The following PDE4D variants were observed in gnomAD, a reference collection of about 807,000 sequenced individuals.
PDE4D encodes the protein 3',5'-cyclic-AMP phosphodiesterase 4D.
In PDE4D, 24 loss-of-function variants were observed where a neutral mutation model predicts 87.4. That is an observed-to-expected ratio of 0.27 (90% CI 0.20 to 0.39). The LOEUF (loss-of-function observed/expected upper bound fraction) is 0.39. Ranked by LOEUF, PDE4D falls within the 10% of genes least tolerant of loss-of-function variation. The pLI, the probability that PDE4D is intolerant of heterozygous loss-of-function variation, is 1.00. For missense variants in PDE4D, 714 were observed against 1,041.0 expected (o/e 0.69, Z 4.32); for synonymous variants, 384 against 383.2 (o/e 1.00, Z -0.02).
chr5:60,364,001 C>T (rs139440553), intron 1 of PDE4D, among the ~76,000 whole-genome samples: 246 of 152,294 alleles, frequency 1.6e-3, no homozygotes, highest in Non-Finnish European at 2.8e-3. Context: ...GTGGAAGTTA[C>T]TGGTGAGTGT....
intron 1 of PDE4D, among the ~76,000 whole-genome samples, chr5:59,522,176 T>G (rs955297214): frequency 5.3e-5 from 8 of 152,234 alleles, no homozygotes; most frequent in African/African-American, 1.7e-4. Flanking sequence ...AAATTTGGAA[T>G]AGTTAATTGA....
intron 1 of PDE4D, among the ~76,000 whole-genome samples, chr5:60,429,254 T>C (rs1038466529): frequency 1.3e-5 from 2 of 152,202 alleles, no homozygotes; most frequent in African/African-American, 4.8e-5. Context: ...GATATGTTAT[T>C]TTTTGTGGCT....
chr5:59,236,660 G>A (rs1016342921), intron 1 of PDE4D, among the ~76,000 whole-genome samples: 14 of 152,194 alleles, frequency 9.2e-5, no homozygotes, highest in Middle Eastern at 3.4e-3. Context: ...CAAAGCTGTC[G>A]TCACCAGGCT....
intron 1 of PDE4D, among the ~76,000 whole-genome samples, chr5:59,549,897 T>A (rs545602704): frequency 6.6e-6 from 1 of 151,946 alleles, no homozygotes; most frequent in Non-Finnish European, 1.5e-5. Context: ...CTCAAGGTTA[T>A]TAACCATCAA....
chr5:59,595,244 A>G (rs1450412292), intron 1 of PDE4D, among the ~76,000 whole-genome samples: 1 of 152,236 alleles, frequency 6.6e-6, no homozygotes, highest in Non-Finnish European at 1.5e-5. Context: ...CAATCTATTT[A>G]TAAAATCTGA....
chr5:59,575,871 A>C (rs559074881), intron 1 of PDE4D, among the ~76,000 whole-genome samples: 1 of 152,306 alleles, frequency 6.6e-6, no homozygotes, highest in East Asian at 1.9e-4. Flanking sequence ...ATGGGAGGGC[A>C]CATCAGTCGA....
chr5:59,722,166 T>C (rs1389712123), intron 1 of PDE4D, among the ~76,000 whole-genome samples: 1 of 152,210 alleles, frequency 6.6e-6, no homozygotes, highest in African/African-American at 2.4e-5. Context: ...TTCTGTTCAA[T>C]CTATTGCTTG....
At chr5:59,294,726 C>CT (rs1768724018) in intron 1 of PDE4D, among the ~76,000 whole-genome samples, 1 of 152,186 alleles carries the variant, frequency 6.6e-6, no homozygotes, top group African/African-American at 2.4e-5. Context: ...GACTGTCTCT[C>CT]TTTTGTTCAA....
At chr5:59,295,094 CT>C (rs1427146729) in intron 1 of PDE4D, among the ~76,000 whole-genome samples, 2 of 152,082 alleles carry the variant, frequency 1.3e-5, no homozygotes, top group African/African-American at 4.8e-5. Flanking sequence ...CCCCATTTAT[CT>C]TTTTTTCTCT....
In PDE4D at chr5:59,965,089, T is replaced by C. The variant is rs76256353; in HGVS notation, c.272+23399A>G. Among the ~76,000 whole-genome samples, 1,380 of 152,312 alleles carry C rather than the reference T, an allele frequency of 9.1e-3. 20 individuals carry two copies. Among genetic ancestry groups the C allele is most frequent in the African/African-American group, 0.032 (1,312 of 41,568 alleles). ...TATACTCTACGTTCTCTTATTTTAC[T>C]ATGGATAAACTGTCCTTGATCCAAA... is the stretch of plus-strand genomic sequence containing the variant. On this transcript the variant is annotated intron_variant, in intron 3 of 16. Coordinates refer to the PDE4D transcript ENST00000502484.
chr5:59,224,450 G>A (rs1002391849), intron 1 of PDE4D, among the ~76,000 whole-genome samples: 2 of 152,122 alleles, frequency 1.3e-5, no homozygotes, highest in African/African-American at 4.8e-5. Context: ...GCAATAAAGA[G>A]ATTCAAGATG....
chr5:59,059,878 C>T (rs1277691397), intron 5 of PDE4D, among the ~76,000 whole-genome samples: 1 of 152,106 alleles, frequency 6.6e-6, no homozygotes, highest in African/African-American at 2.4e-5. Context: ...GCAGAGACTG[C>T]TAAATGTCCC....
At chr5:59,333,065 A>G (rs187907227) in intron 1 of PDE4D, among the ~76,000 whole-genome samples, 1 of 152,352 alleles carries the variant, frequency 6.6e-6, no homozygotes, top group East Asian at 1.9e-4. Context: ...GAAAGCATTG[A>G]AAACTGATAT....
At chr5:60,173,849 G>C (rs1031302813) in intron 2 of PDE4D, among the ~76,000 whole-genome samples, 1 of 152,130 alleles carries the variant, frequency 6.6e-6, no homozygotes, top group African/African-American at 2.4e-5. Flanking sequence ...AAGTCAAGCT[G>C]AGATGAGGAC....
At chr5:59,111,713 G>A (rs1224435394) in intron 5 of PDE4D, among the ~76,000 whole-genome samples, 1 of 152,168 alleles carries the variant, frequency 6.6e-6, no homozygotes, top group African/African-American at 2.4e-5. Context: ...AAAGCTTGAG[G>A]TCTTTGATGT....
In PDE4D at chr5:60,117,389, T is replaced by A. The variant is rs570746606; in HGVS notation, c.42+68168A>T. On this transcript the variant is annotated intron_variant, in intron 2 of 16. Coordinates refer to the PDE4D transcript ENST00000502484. ...AAGTCTATATCAAACACATTCCTGA[T>A]AAACTCAACCCTACACTTAAAGTTT... Among the ~76,000 whole-genome samples, 100 of 152,150 alleles carry A rather than the reference T, an allele frequency of 6.6e-4. 1 individual carries two copies. Among genetic ancestry groups the A allele is most frequent in the Middle Eastern group, 3.4e-3 (1 of 294 alleles).
chr5:59,167,110 G>A (rs1451594998), intron 5 of PDE4D, among the ~76,000 whole-genome samples: 5 of 152,138 alleles, frequency 3.3e-5, no homozygotes, highest in African/African-American at 1.2e-4. Flanking sequence ...CTCAAAATTA[G>A]GAAGGTATAA....
At chr5:60,187,441 T>C (rs1784871262) in intron 1 of PDE4D, among the ~76,000 whole-genome samples, 1 of 152,178 alleles carries the variant, frequency 6.6e-6, no homozygotes, top group Admixed American at 6.5e-5. Flanking sequence ...ACATATATTA[T>C]CAGAGAAAAA....
intron 5 of PDE4D, among the ~76,000 whole-genome samples, chr5:59,097,393 T>C (rs1769933672): frequency 6.6e-6 from 1 of 152,220 alleles, no homozygotes; most frequent in South Asian, 2.1e-4. Flanking sequence ...CTGGGCTTAG[T>C]CACACAGAGA....
Sources: allele counts gnomAD v4.1 joint callset (sites outside exome capture counted in the v4.1 genomes callset), GRCh38; gene constraint gnomAD v4.1.1; transcripts MANE v1.5; gene names NCBI Gene and HGNC (gene_info 2026-07-23, HGNC 2026-07-21).